ARHGEF9: variants seen among roughly 807,000 people sequenced by gnomAD.
ARHGEF9 encodes rho guanine nucleotide exchange factor 9.
A neutral mutation model predicts 41.3 loss-of-function variants in ARHGEF9; 2 were observed. The observed-to-expected ratio is 0.05, with a 90% CI of 0.02 to 0.15. ARHGEF9 has a LOEUF of 0.15. Among genes scored for constraint, ARHGEF9 ranks in the 10% least tolerant of loss-of-function variants. ARHGEF9 has a pLI of 1.00. For missense variants in ARHGEF9, 225 were observed against 424.7 expected, an observed-to-expected ratio of 0.53 and a Z score of 4.13; for synonymous variants, 160 against 154.4, an observed-to-expected ratio of 1.04 and a Z score of -0.27.
At chrX:63,754,993 G>A in intron 1 of ARHGEF9, 1 of 939,075 alleles carries the variant, frequency 1.1e-6, no homozygotes, top group East Asian at 4.2e-5. Context: ...CTACCGGTCA[G>A]TCTCAGTCTC....
intron 2 of ARHGEF9, among the ~76,000 whole-genome samples, chrX:63,718,061 T>C (rs1375687824): frequency 9.0e-6 from 1 of 111,230 alleles, no homozygotes; most frequent in East Asian, 2.8e-4. Context: ...TTCTGAAAAC[T>C]AAAAAAAGAG....
intron 1 of ARHGEF9, among the ~76,000 whole-genome samples, chrX:63,777,808 C>T (rs1569507568): frequency 1.8e-5 from 2 of 112,713 alleles, no homozygotes; most frequent in African/African-American, 6.4e-5. Flanking sequence ...CCATGTCTCA[C>T]ATCAGGTCAC....
At chrX:63,641,618 C>G (rs782251284) in intron 9 of ARHGEF9, 1 of 111,547 alleles carries the variant, frequency 9.0e-6, no homozygotes, top group South Asian at 3.8e-4. Flanking sequence ...TTGAAGTGTT[C>G]TCAGTGAAAA....
At chrX:63,704,714 T>C (rs1460827109) in intron 3 of ARHGEF9, among the ~76,000 whole-genome samples, 3 of 112,280 alleles carry the variant, frequency 2.7e-5, no homozygotes, top group Non-Finnish European at 5.6e-5. Context: ...TGAAGCCCAT[T>C]GGAAAAATAA....
chrX:63,747,913 A>C (rs1369290370), intron 1 of ARHGEF9, among the ~76,000 whole-genome samples: 1 of 112,605 alleles, frequency 8.9e-6, no homozygotes, highest in African/African-American at 3.2e-5. Flanking sequence ...AACCCAGTTT[A>C]GAAACATTTG....
chrX:63,732,568 T>C (rs1411367889), intron 1 of ARHGEF9, among the ~76,000 whole-genome samples: 3 of 111,441 alleles, frequency 2.7e-5, no homozygotes, highest in African/African-American at 9.8e-5. Flanking sequence ...TTAAAGCATT[T>C]TTGCTAGTAT....
At chrX:63,784,258 G>T (rs782431419) in intron 1 of ARHGEF9, among the ~76,000 whole-genome samples, 1 of 112,181 alleles carries the variant, frequency 8.9e-6, no homozygotes, top group African/African-American at 3.2e-5. Context: ...CCCTAACCAG[G>T]CTTAAGCTGC....
intron 1 of ARHGEF9, 107 bp downstream of exon 1, chrX:63,785,009 G>T: frequency 1.0e-6 from 1 of 998,952 alleles, no homozygotes; most frequent in Non-Finnish European, 1.4e-6. Flanking sequence ...TAGGGCGGTG[G>T]GCAGAGGCCA....
intron 7 of ARHGEF9, among the ~76,000 whole-genome samples, chrX:63,662,413 A>G (rs1275566784): frequency 2.7e-5 from 3 of 112,156 alleles, no homozygotes; most frequent in African/African-American, 9.7e-5. Flanking sequence ...AGTTACTGGC[A>G]AAATAGAAAC....
intron 9 of ARHGEF9, among the ~76,000 whole-genome samples, chrX:63,643,587 C>T (rs1452617145): frequency 2.7e-5 from 3 of 110,365 alleles, no homozygotes; most frequent in African/African-American, 6.6e-5. Flanking sequence ...CCTTGTGATC[C>T]GCCTGCCTCG....
intron 2 of ARHGEF9, among the ~76,000 whole-genome samples, chrX:63,712,580 ACAG>A (rs1319918380): frequency 1.8e-5 from 2 of 111,809 alleles, no homozygotes; most frequent in Admixed American, 1.9e-4. Flanking sequence ...CCAAATATAT[ACAG>A]TTTTATCTAT....
At chrX:63,653,471 C>T (rs2048681679) in intron 8 of ARHGEF9, among the ~76,000 whole-genome samples, 1 of 111,682 alleles carries the variant, frequency 9.0e-6, no homozygotes, top group African/African-American at 3.3e-5. Context: ...ATATCTCCTA[C>T]AGGTTATGCC....
chrX:63,745,641 C>T (rs2055222683), intron 1 of ARHGEF9, among the ~76,000 whole-genome samples: 1 of 111,384 alleles, frequency 9.0e-6, no homozygotes, highest in South Asian at 3.8e-4. Flanking sequence ...CCTCCTGTGC[C>T]TTAGTTTTCT....
chrX:63,732,769 G>T (rs150427293), intron 1 of ARHGEF9, among the ~76,000 whole-genome samples: 2 of 111,152 alleles, frequency 1.8e-5, no homozygotes, highest in Non-Finnish European at 3.8e-5. Flanking sequence ...ATTTCCTACT[G>T]CCTGCTCAAC....
chrX:63,681,647 A>T (rs1556369550), intron 4 of ARHGEF9, among the ~76,000 whole-genome samples: 1 of 111,403 alleles, frequency 9.0e-6, no homozygotes, highest in African/African-American at 3.3e-5. Context: ...TCTGAAATAA[A>T]CAATCTGATA....
intron 1 of ARHGEF9, among the ~76,000 whole-genome samples, chrX:63,736,822 C>A (rs1389160648): frequency 9.0e-6 from 1 of 111,207 alleles, no homozygotes; most frequent in African/African-American, 3.3e-5. Flanking sequence ...CAAATATACA[C>A]AATAAAATTT....
chrX:63,714,652 C>T (rs1184890684), intron 2 of ARHGEF9, among the ~76,000 whole-genome samples: 1 of 111,886 alleles, frequency 8.9e-6, no homozygotes, highest in African/African-American at 3.2e-5. Flanking sequence ...TAATATCTAT[C>T]TATCTCATGG....
intron 8 of ARHGEF9, among the ~76,000 whole-genome samples, chrX:63,647,299 G>A (rs1308080905): frequency 1.8e-5 from 2 of 111,877 alleles, no homozygotes; most frequent in Non-Finnish European, 3.8e-5. Flanking sequence ...GGGCATCCCT[G>A]TCTTGTGCCA....
intron 1 of ARHGEF9, chrX:63,754,755 G>A (rs2055860594): frequency 1.0e-6 from 1 of 952,601 alleles, no homozygotes; most frequent in East Asian, 4.0e-5. Context: ...GAGGGGAGGG[G>A]GATGGGGACG....
Sources: gnomAD v4.1 joint callset for allele counts (sites outside exome capture counted in the v4.1 genomes callset) on GRCh38, gnomAD v4.1.1 for gene constraint, MANE v1.5 for transcripts, NCBI Gene and HGNC (gene_info 2026-07-23, HGNC 2026-07-21) for gene names.